The following PRKAA1 variants were observed in gnomAD, a reference collection of about 807,000 sequenced individuals.
PRKAA1 encodes protein kinase AMP-activated catalytic subunit alpha 1.
PRKAA1 carries 23 observed loss-of-function variants against 56.9 expected under a neutral mutation model. That is an observed-to-expected ratio of 0.40 (90% confidence interval 0.29 to 0.57). PRKAA1 has a LOEUF of 0.57. PRKAA1 is among the 20% of genes least tolerant of loss of function. The probability of loss-of-function intolerance (pLI) is 0.39; values close to 1 mark genes in which losing one functional copy is unlikely to be tolerated. For synonymous variants in PRKAA1, 226 were observed against 227.0 expected (o/e 1.00, Z 0.04); for missense variants, 413 against 679.7 (o/e 0.61, Z 4.36).
chr5:40,786,842 C>T (rs1012747323), intron 1 of PRKAA1, among the ~76,000 whole-genome samples: 1 of 142,356 alleles, frequency 7.0e-6, no homozygotes, highest in Non-Finnish European at 1.5e-5. Flanking sequence ...GCCTGTAATC[C>T]TAGCTACTTG....
intron 4 of PRKAA1, among the ~76,000 whole-genome samples, chr5:40,771,117 G>C (rs1450911808): frequency 1.3e-5 from 2 of 151,930 alleles, no homozygotes; most frequent in Non-Finnish European, 2.9e-5. Flanking sequence ...GAACATACTG[G>C]AAATAAAGCT....
rs1394757163 is a variant in PRKAA1 at position 40,761,909 on chromosome 5, T to A, written c.*869A>T. On this transcript the variant is annotated 3_prime_UTR_variant, in exon 9 of 9. Transcript: ENST00000397128. ...TATAAATTCTGTGTTTTTGGACTTGTAAAGCTAAAATGAAATTTAAATTAG... is the reference window on the plus strand; with the variant it reads ...TATAAATTCTGTGTTTTTGGACTTGAAAAGCTAAAATGAAATTTAAATTAG... 6.6e-6 allele frequency: 1 copy of A among 152,194 alleles called. No homozygotes were observed. 9.4% of individuals were successfully genotyped at this position (152,194 alleles called of 1,614,324 possible).
chr5:40,763,170 G>T, intron 8 of PRKAA1, 148 bp from the exon 9 acceptor site: 1 of 756,060 alleles, frequency 1.3e-6, no homozygotes, highest in Non-Finnish European at 2.1e-6. Context: ...CAGTCAATGA[G>T]CCTGTATTAA....
At chr5:40,765,689 C>G (rs1561167314) in intron 6 of PRKAA1, among the ~76,000 whole-genome samples, 1 of 152,046 alleles carries the variant, frequency 6.6e-6, no homozygotes, top group African/African-American at 2.4e-5. Flanking sequence ...ACTATCTCCC[C>G]TCATCATCGA....
At chr5:40,769,566 AAAC>A in intron 4 of PRKAA1, 63 bp from the exon 5 acceptor site, 1 of 1,282,862 alleles carries the variant, frequency 7.8e-7, no homozygotes, top group Non-Finnish European at 1.1e-6. Flanking sequence ...AAATCCCATT[AAAC>A]AATAAAATTG....
chr5:40,762,717 A>C lies in PRKAA1; in HGVS notation c.*61T>G. Reference sequence around the variant, plus strand: ...GTATAACTTGATTACAAATGGAAGCATTTGGCTGTGACTTATTATGCATGC... The same window carrying C: ...GTATAACTTGATTACAAATGGAAGCCTTTGGCTGTGACTTATTATGCATGC... On this transcript the variant is annotated 3_prime_UTR_variant, in exon 9 of 9. Transcript: ENST00000397128. The C allele has an allele frequency of 5.0e-6, 8 of 1,587,584 alleles. No homozygotes were observed. The highest frequency in any genetic ancestry group is 6.0e-6 in the Non-Finnish European group (7 of 1,163,204).
Position 40,767,422 on chromosome 5 carries a change from C to T in PRKAA1, c.821+44G>A, listed in dbSNP as rs759973499. ...TTTTTTTTTTTCACATAACTTTTATCATGGATACTATCAGATCTGATAACT... is the reference window on the plus strand; with the variant it reads ...TTTTTTTTTTTCACATAACTTTTATTATGGATACTATCAGATCTGATAACT... On this transcript the variant is annotated intron_variant, in intron 6 of 8. Transcript: ENST00000397128. 7.4e-6 allele frequency: 11 copies of T among 1,489,834 alleles called. No individual in the cohort carries two copies. In the Admixed American group the frequency reaches 1.7e-4, roughly 23 times the overall value. 92.3% of individuals were successfully genotyped at this position (1,489,834 alleles called of 1,614,324 possible). A position where few individuals can be genotyped will look rare whatever the true frequency, so the allele number is the denominator to read the frequency against.
At position 40,762,235 on chromosome 5, in the gene PRKAA1, G is replaced by T. The variant is rs1041602093; in HGVS notation, c.*543C>A. 2 of 155,214 alleles carry T rather than the reference G, an allele frequency of 1.3e-5. No individual in the cohort carries two copies. Among genetic ancestry groups the T allele is most frequent in the African/African-American group, 4.8e-5 (2 of 41,440 alleles). 9.6% of individuals were successfully genotyped at this position (155,214 alleles called of 1,614,324 possible). A position where few individuals can be genotyped will look rare whatever the true frequency, so the allele number is the denominator to read the frequency against. Reference sequence around the variant, plus strand: ...TGCAGTGAGCCGAGACCACACCATTGCACTCCAGCCTGGGTGACAAAGTGA... The same window carrying T: ...TGCAGTGAGCCGAGACCACACCATTTCACTCCAGCCTGGGTGACAAAGTGA... On this transcript the variant is annotated 3_prime_UTR_variant, in exon 9 of 9. Coordinates refer to ENST00000397128, the MANE Select transcript of PRKAA1 (RefSeq NM_006251.6).
At chr5:40,796,683 G>T (rs887326246) in intron 1 of PRKAA1, among the ~76,000 whole-genome samples, 11 of 152,086 alleles carry the variant, frequency 7.2e-5, no homozygotes, top group African/African-American at 2.7e-4. Flanking sequence ...CTTCCCTGTG[G>T]GATATACAAC....
intron 5 of PRKAA1, chr5:40,768,389 G>A: frequency 1.1e-6 from 1 of 902,406 alleles, no homozygotes; most frequent in Non-Finnish European, 1.3e-6. Context: ...TATATGCACA[G>A]TTATAACATT....
intron 5 of PRKAA1, 129 bp from the exon 6 acceptor site, chr5:40,767,819 A>C: frequency 1.4e-6 from 1 of 740,422 alleles, no homozygotes; most frequent in Non-Finnish European, 2.2e-6. Flanking sequence ...CCACTACTAC[A>C]TGTTACAACG....
rs561266626 is a variant in PRKAA1, at chr5:40,761,938, T to C, written c.*840A>G. 9 of 152,320 alleles carry C rather than the reference T, an allele frequency of 5.9e-5. No homozygotes were observed. In the East Asian group the frequency reaches 9.6e-4, roughly 16 times the overall value. The allele number at this position is 152,320 out of a possible 1,614,324, so 9.4% of individuals were successfully genotyped here. A position where few individuals can be genotyped will look rare whatever the true frequency, so the allele number is the denominator to read the frequency against. On this transcript the variant is annotated 3_prime_UTR_variant, in exon 9 of 9. Coordinates refer to ENST00000397128, the MANE Select transcript of PRKAA1 (RefSeq NM_006251.6). ...GCTAAAATGAAATTTAAATTAGGTC[T>C]GATATCTGATATGACTTACCATACA...
At chr5:40,796,016 C>T (rs1744911531) in intron 1 of PRKAA1, among the ~76,000 whole-genome samples, 1 of 152,202 alleles carries the variant, frequency 6.6e-6, no homozygotes, top group Non-Finnish European at 1.5e-5. Flanking sequence ...AACCACTTAG[C>T]AAATACGAAA....
chr5:40,780,870 C>T (rs1046434061), intron 1 of PRKAA1, among the ~76,000 whole-genome samples: 2 of 152,152 alleles, frequency 1.3e-5, no homozygotes, highest in African/African-American at 4.8e-5. Context: ...CACAGACAAA[C>T]CCAAAATAAT....
In PRKAA1 at chr5:40,760,259, G is replaced by A. The variant is rs936114697; in HGVS notation, c.*2519C>T. ...ATCCTAGCTTAAAAAAGAATTTACT[G>A]CAATTGTCTGTGCATTTATCATACT... On this transcript the variant is annotated 3_prime_UTR_variant, in exon 9 of 9. Coordinates refer to ENST00000397128, the MANE Select transcript of PRKAA1 (RefSeq NM_006251.6). The A allele has an allele frequency of 9.8e-5, 15 of 152,722 alleles. No homozygotes were observed. In the East Asian group the frequency reaches 2.8e-3, roughly 29 times the overall value. 9.5% of individuals were successfully genotyped at this position (152,722 alleles called of 1,614,324 possible).
chr5:40,785,833 CACACACAG>C (rs1744445708), intron 1 of PRKAA1, among the ~76,000 whole-genome samples: 1 of 57,750 alleles, frequency 1.7e-5, no homozygotes, highest in Non-Finnish European at 3.6e-5. Flanking sequence ...CACACACACA[CACACACAG>C]AGAGAGAGAG....
rs1260452696 is a variant in PRKAA1, at chr5:40,761,614, G to T, written c.*1164C>A. On this transcript the variant is annotated 3_prime_UTR_variant, in exon 9 of 9. Transcript: ENST00000397128. ...AAATGTTCATAATAAAATTTGGGGG[G>T]GAAGTCATATCAGAGCACTTAAAGT... 3 of 152,030 alleles carry T rather than the reference G, an allele frequency of 2.0e-5. No individual in the cohort carries two copies. Among genetic ancestry groups the T allele is most frequent in the Non-Finnish European group, 2.9e-5 (2 of 67,990 alleles). 9.4% of individuals were successfully genotyped at this position (152,030 alleles called of 1,614,324 possible). A position where few individuals can be genotyped will look rare whatever the true frequency, so the allele number is the denominator to read the frequency against.
At chr5:40,774,961 T>C (rs1198212728) in intron 3 of PRKAA1, 1 of 1,605,212 alleles carries the variant, frequency 6.2e-7, no homozygotes, top group East Asian at 2.2e-5. Context: ...CTACTCCAGG[T>C]ACATCAGATT....
In PRKAA1 at chr5:40,762,816, C is replaced by A; in HGVS notation, c.1642G>T (p.Glu548Ter). 6.2e-7 allele frequency: 1 copy of A among 1,614,112 alleles called. No homozygotes were observed. Among genetic ancestry groups the A allele is most frequent in the Non-Finnish European group, 8.5e-7 (1 of 1,180,022 alleles). Residue 548 changes from glutamate to a stop codon, truncating the protein, a stop_gained, in exon 9 of 9, where the codon GAG (glutamate) becomes TAG (stop). Coordinates refer to ENST00000397128, the MANE Select transcript of PRKAA1 (RefSeq NM_006251.6). LOFTEE classifies it high-confidence loss of function. ...RPGSHTIEFF[E>*]MCANLIKILA... The stretch of plus-strand genomic sequence containing the variant: ...ATTTTAATTAGATTTGCACACATCT[C>A]AAAAAATTCTATTGTGTGACTTCCA...
Sources: gnomAD v4.1 joint callset for allele counts (sites outside exome capture counted in the v4.1 genomes callset) on GRCh38, gnomAD v4.1.1 for gene constraint, MANE v1.5 for transcripts, NCBI Gene and HGNC (gene_info 2026-07-23, HGNC 2026-07-21) for gene names.